The following CSMD1 variants were observed in gnomAD, a reference collection of about 807,000 sequenced individuals.
CSMD1 encodes CUB and sushi domain-containing protein 1.
CSMD1 carries 213 observed loss-of-function variants against 417.5 expected under a neutral mutation model. The ratio of observed to expected loss-of-function variants is 0.51; its 90% CI spans 0.46 to 0.57. The LOEUF is 0.57. Ranked by LOEUF, CSMD1 falls within the 20% of genes least tolerant of loss-of-function variation. CSMD1 has a pLI of 0.00. For synonymous variants in CSMD1, 2,862 were observed against 1,736.8 expected (o/e 1.65, Z -16.11); for missense variants, 6,923 against 4,529.7 (o/e 1.53, Z -15.17).
At chr8:4,466,782 C>T (rs1028931936) in intron 2 of CSMD1, among the ~76,000 whole-genome samples, 3 of 152,012 alleles carry the variant, frequency 2.0e-5, no homozygotes, top group African/African-American at 4.8e-5. Flanking sequence ...AGAATACCAC[C>T]AACTGAAATC....
chr8:3,585,534 T>C (rs1800562940), intron 9 of CSMD1, among the ~76,000 whole-genome samples: 1 of 152,212 alleles, frequency 6.6e-6, no homozygotes, highest in Admixed American at 6.5e-5. Context: ...TCTGTAATTC[T>C]GGTAAGAATT....
intron 47 of CSMD1, among the ~76,000 whole-genome samples, chr8:3,093,057 A>T (rs777628766): frequency 5.9e-5 from 9 of 152,144 alleles, no homozygotes; most frequent in African/African-American, 2.2e-4. Flanking sequence ...TTCAAGTAAG[A>T]CTGTTATAGA....
At chr8:4,381,190 C>T (rs17070107) in intron 3 of CSMD1, among the ~76,000 whole-genome samples, 56,978 of 151,926 alleles carry the variant, frequency 0.38, 10,934 homozygotes, top group South Asian at 0.53. Context: ...CTCTACGGTA[C>T]TGATAAAATT....
At chr8:4,786,185 A>C (rs1334867115) in intron 1 of CSMD1, among the ~76,000 whole-genome samples, 1 of 152,206 alleles carries the variant, frequency 6.6e-6, no homozygotes, top group Non-Finnish European at 1.5e-5. Context: ...CTGCTCTACC[A>C]TCTTGGCTCT....
At chr8:4,866,987 T>A (rs1415876675) in intron 1 of CSMD1, among the ~76,000 whole-genome samples, 2 of 152,062 alleles carry the variant, frequency 1.3e-5, no homozygotes, top group Non-Finnish European at 2.9e-5. Flanking sequence ...ACATTGTATT[T>A]CCTCAGCATA....
At chr8:3,930,127 G>C (rs1810038211) in intron 5 of CSMD1, among the ~76,000 whole-genome samples, 1 of 150,212 alleles carries the variant, frequency 6.7e-6, no homozygotes, top group Non-Finnish European at 1.5e-5. Context: ...ACCTACAAAA[G>C]CAGTACCCTA....
chr8:4,651,346 T>C (rs1803882631), intron 1 of CSMD1, among the ~76,000 whole-genome samples: 2 of 152,138 alleles, frequency 1.3e-5, no homozygotes, highest in Non-Finnish European at 2.9e-5. Context: ...TTTAATAGCG[T>C]TGAATATTCA....
intron 2 of CSMD1, among the ~76,000 whole-genome samples, chr8:4,493,002 C>G (rs569916924): frequency 1.9e-3 from 282 of 152,264 alleles, no homozygotes; most frequent in African/African-American, 6.5e-3. Context: ...ATCTGAAGAT[C>G]AAGGTTGTGT....
chr8:2,955,354 C>T (rs745536896), intron 64 of CSMD1, among the ~76,000 whole-genome samples: 4 of 152,124 alleles, frequency 2.6e-5, no homozygotes, highest in Non-Finnish European at 4.4e-5. Flanking sequence ...TTATTATGTA[C>T]TAATTGCATA....
intron 2 of CSMD1, among the ~76,000 whole-genome samples, chr8:4,557,522 A>G (rs1166028017): frequency 6.6e-6 from 1 of 152,124 alleles, no homozygotes; most frequent in Non-Finnish European, 1.5e-5. Context: ...GTTGAGAAAT[A>G]AAATACATCT....
intron 3 of CSMD1, among the ~76,000 whole-genome samples, chr8:4,285,422 T>A (rs987908680): frequency 1.3e-5 from 2 of 152,200 alleles, no homozygotes; most frequent in African/African-American, 4.8e-5. Context: ...ACATTTCTCA[T>A]AAGAAACACC....
chr8:3,943,403 A>G (rs1175252808), intron 5 of CSMD1, among the ~76,000 whole-genome samples: 2 of 135,298 alleles, frequency 1.5e-5, no homozygotes. Context: ...AGAATGTCTT[A>G]TAAGTTGTTT....
intron 3 of CSMD1, among the ~76,000 whole-genome samples, chr8:4,040,223 G>C (rs961428882): frequency 3.3e-5 from 5 of 152,180 alleles, no homozygotes; most frequent in African/African-American, 9.7e-5. Context: ...TTTAGCAATA[G>C]TAATTCCACT....
In CSMD1 at chr8:4,061,707, A is replaced by G. The variant is rs535719449; in HGVS notation, c.416-29608T>C. 9.2e-5 allele frequency among the ~76,000 whole-genome samples: 14 copies of G among 152,310 alleles called. No individual in the cohort carries two copies. In the South Asian group the frequency reaches 2.7e-3, roughly 29 times the overall value. On this transcript the variant is annotated intron_variant, in intron 3 of 69. Coordinates refer to ENST00000635120, the MANE Select transcript of CSMD1 (RefSeq NM_033225.6). ...TCTTTTATGATTTTTCAAGTATCTTACATTTATTCCTTACCAAATTAATTA... is the reference window on the plus strand; with the variant it reads ...TCTTTTATGATTTTTCAAGTATCTTGCATTTATTCCTTACCAAATTAATTA...
chr8:4,122,049 T>C (rs184863703), intron 3 of CSMD1, among the ~76,000 whole-genome samples: 1 of 152,154 alleles, frequency 6.6e-6, no homozygotes, highest in African/African-American at 2.4e-5. Context: ...TAACTACATG[T>C]TCCTTTTAAA....
At position 4,343,703 on chromosome 8, in the gene CSMD1, A is replaced by G. The variant is rs1800615024; in HGVS notation, c.415+76250T>C. Among the ~76,000 whole-genome samples the G allele has an allele frequency of 2.0e-5, 3 of 152,144 alleles. No individual in the cohort carries two copies. The South Asian group carries it at 6.2e-4, about 32-fold the overall frequency. ...CTGACCTTTGCAGCTTTTTCTTTTC[A>G]CCAGGGGAGCTTCGACTAGGTCCAT... On this transcript the variant is annotated intron_variant, in intron 3 of 69. Transcript: ENST00000635120.
At chr8:4,159,459 T>G (rs1321372153) in intron 3 of CSMD1, among the ~76,000 whole-genome samples, 1 of 152,182 alleles carries the variant, frequency 6.6e-6, no homozygotes, top group African/African-American at 2.4e-5. Context: ...CACAATTCAC[T>G]ACTGTAAAAA....
At chr8:4,049,004 T>C (rs551698245) in intron 3 of CSMD1, among the ~76,000 whole-genome samples, 1 of 152,326 alleles carries the variant, frequency 6.6e-6, no homozygotes, top group Admixed American at 6.5e-5. Flanking sequence ...AAAGAGGTGA[T>C]GTTAATGATC....
In CSMD1 at chr8:4,994,812, C is replaced by T. The variant is rs938089160; in HGVS notation, c.-396G>A. ...AGAGAGAGCCAGCGAGTGGGAGATGCGGGGAGGGGGGCGCGGGGGGGAGGA... is the reference window on the plus strand; with the variant it reads ...AGAGAGAGCCAGCGAGTGGGAGATGTGGGGAGGGGGGCGCGGGGGGGAGGA... On this transcript the variant is annotated 5_prime_UTR_variant, in exon 1 of 70. Coordinates refer to ENST00000635120, the MANE Select transcript of CSMD1 (RefSeq NM_033225.6). The T allele has an allele frequency of 2.2e-5, 3 of 134,422 alleles. No homozygotes were observed. Among genetic ancestry groups the T allele is most frequent in the Admixed American group, 1.6e-4 (2 of 12,666 alleles). The allele number at this position is 134,422 out of a possible 1,614,324, so 8.3% of individuals were successfully genotyped here.
Sources: allele counts gnomAD v4.1 joint callset (sites outside exome capture counted in the v4.1 genomes callset), GRCh38; gene constraint gnomAD v4.1.1; transcripts MANE v1.5; gene names NCBI Gene and HGNC (gene_info 2026-07-23, HGNC 2026-07-21).